Variants in FAF1 observed in about 807,000 individuals in gnomAD.
The protein encoded by FAF1 is Fas associated factor 1.
Under a neutral mutation model 92.5 loss-of-function variants are expected in FAF1, and 25 were observed. The observed-to-expected ratio is 0.27, with a 90% CI of 0.20 to 0.38. FAF1 has a LOEUF of 0.38. FAF1 is among the 10% of genes least tolerant of loss of function. FAF1 has a pLI of 1.00. For synonymous variants in FAF1, 234 were observed against 273.2 expected (o/e 0.86, Z 1.42); for missense variants, 636 against 793.3 (o/e 0.80, Z 2.38).
intron 6 of FAF1, among the ~76,000 whole-genome samples, chr1:50,714,706 T>C (rs1658100897): frequency 6.6e-6 from 1 of 152,178 alleles, no homozygotes; most frequent in African/African-American, 2.4e-5. Flanking sequence ...AAGAATGGCT[T>C]GGGTTAACAG....
intron 15 of FAF1, among the ~76,000 whole-genome samples, chr1:50,509,567 G>A (rs1647106927): frequency 1.3e-5 from 2 of 152,146 alleles, no homozygotes; most frequent in Non-Finnish European, 2.9e-5. Flanking sequence ...AGCTGTGACT[G>A]TACCACTGCA....
chr1:50,713,622 C>T (rs963495202), intron 6 of FAF1, among the ~76,000 whole-genome samples: 6 of 151,902 alleles, frequency 3.9e-5, no homozygotes, highest in Non-Finnish European at 7.4e-5. Context: ...AAGATATAAG[C>T]AAACGTAGAA....
intron 6 of FAF1, among the ~76,000 whole-genome samples, chr1:50,708,757 T>C (rs1415352257): frequency 6.6e-6 from 1 of 152,024 alleles, no homozygotes; most frequent in Non-Finnish European, 1.5e-5. Flanking sequence ...TGATAAATCA[T>C]CAGTGAGAGA....
At position 50,596,294 on chromosome 1, in the gene FAF1, T is replaced by A. The variant is rs1028084057; in HGVS notation, c.745-78A>T. ...AAAGGATTTGACTTTTCAGGTATTTTCTATTATTGCTGAAGCTAGATTAGA... is the reference window on the plus strand; with the variant it reads ...AAAGGATTTGACTTTTCAGGTATTTACTATTATTGCTGAAGCTAGATTAGA... On this transcript the variant is annotated intron_variant, in intron 8 of 18. Coordinates refer to ENST00000396153, the MANE Select transcript of FAF1 (RefSeq NM_007051.3). The A allele has an allele frequency of 7.0e-6, 7 of 1,001,696 alleles. No individual in the cohort carries two copies. In the African/African-American group the frequency reaches 8.0e-5, roughly 11 times the overall value. The allele number at this position is 1,001,696 out of a possible 1,614,324, so 62.1% of individuals were successfully genotyped here.
At chr1:50,948,934 A>G (rs1645192961) in intron 1 of FAF1, among the ~76,000 whole-genome samples, 1 of 152,166 alleles carries the variant, frequency 6.6e-6, no homozygotes, top group South Asian at 2.1e-4. Context: ...CCATGATCCA[A>G]TATCTACCTC....
chr1:50,599,314 G>A (rs551596727), intron 8 of FAF1, among the ~76,000 whole-genome samples: 80 of 152,136 alleles, frequency 5.3e-4, no homozygotes, highest in African/African-American at 1.8e-3. Context: ...GTTTTAACAC[G>A]TTGGCCAGGC....
intron 7 of FAF1, among the ~76,000 whole-genome samples, chr1:50,695,475 T>G (rs1255620912): frequency 1.3e-5 from 2 of 152,110 alleles, no homozygotes; most frequent in Non-Finnish European, 2.9e-5. Flanking sequence ...AGGGGAATTA[T>G]ATAAATGAAT....
chr1:50,722,646 C>CAAAA (rs58511862), intron 6 of FAF1, among the ~76,000 whole-genome samples: 8,289 of 65,372 alleles, frequency 0.13, 337 homozygotes, highest in East Asian at 0.16. Context: ...GCGACAGTCT[C>CAAAA]AAAAAAAAAA....
intron 1 of FAF1, among the ~76,000 whole-genome samples, chr1:50,951,483 G>C (rs1453349910): frequency 6.6e-6 from 1 of 152,094 alleles, no homozygotes; most frequent in African/African-American, 2.4e-5. Flanking sequence ...TTTTCATATG[G>C]GGAAACTGAG....
chr1:50,725,196 G>A (rs907919637), intron 6 of FAF1, among the ~76,000 whole-genome samples: 2 of 152,148 alleles, frequency 1.3e-5, no homozygotes, highest in African/African-American at 4.8e-5. Flanking sequence ...AAGGAAGGAT[G>A]AGTGGCATTA....
intron 8 of FAF1, among the ~76,000 whole-genome samples, chr1:50,645,073 A>G (rs1203749422): frequency 6.6e-6 from 1 of 152,200 alleles, no homozygotes; most frequent in Admixed American, 6.6e-5. Flanking sequence ...CCATCTGTTT[A>G]GTCTTTGCCT....
At chr1:50,705,712 T>TC (rs1657646307) in intron 7 of FAF1, 74 bp downstream of exon 7, 14 of 795,982 alleles carry the variant, frequency 1.8e-5, no homozygotes, top group Non-Finnish European at 3.0e-5. Flanking sequence ...CCAGAACAGA[T>TC]AAGCCCTCTT....
intron 2 of FAF1, among the ~76,000 whole-genome samples, chr1:50,837,747 C>CTTTTTTTT (rs112915276): frequency 7.1e-6 from 1 of 141,536 alleles, no homozygotes; most frequent in African/African-American, 2.6e-5. Context: ...GGGGAAGCTC[C>CTTTTTTTT]TTTTTTTTTT....
At position 50,663,479 on chromosome 1, in the gene FAF1, T is replaced by C. The variant is rs186844421; in HGVS notation, c.658-7951A>G. The stretch of plus-strand genomic sequence containing the variant: ...GTGCAATGGCACAATCTCAGCTCAC[T>C]GCAACCTCCGCCTCCCAGGTTCAAG... On this transcript the variant is annotated intron_variant, in intron 7 of 18. Transcript: ENST00000396153. Among the ~76,000 whole-genome samples, 273 of 150,314 alleles carry C rather than the reference T, an allele frequency of 1.8e-3. 7 individuals carry two copies. The highest frequency in any genetic ancestry group is 6.5e-3 in the African/African-American group (259 of 40,138).
At chr1:50,928,546 G>T (rs1475540088) in intron 1 of FAF1, among the ~76,000 whole-genome samples, 1 of 151,968 alleles carries the variant, frequency 6.6e-6, no homozygotes, top group Non-Finnish European at 1.5e-5. Context: ...CACTTTGGGA[G>T]ATCAAGGTGG....
chr1:50,593,320 T>C (rs1028855800), intron 9 of FAF1, among the ~76,000 whole-genome samples: 2 of 152,116 alleles, frequency 1.3e-5, no homozygotes, highest in African/African-American at 4.8e-5. Context: ...AAATAACACA[T>C]ATAATAGTGA....
intron 18 of FAF1, among the ~76,000 whole-genome samples, chr1:50,448,612 G>A (rs1426472453): frequency 3.9e-5 from 6 of 152,122 alleles, no homozygotes; most frequent in South Asian, 2.1e-4. Flanking sequence ...TACAAGGTAC[G>A]AGGGCCTGCA....
chr1:50,860,711 C>G (rs1342350089), intron 1 of FAF1, among the ~76,000 whole-genome samples: 3 of 151,624 alleles, frequency 2.0e-5, no homozygotes, highest in Non-Finnish European at 4.4e-5. Context: ...CAACTTAAAA[C>G]AGCATTTAAC....
chr1:50,630,028 A>G (rs1382255396), intron 8 of FAF1, among the ~76,000 whole-genome samples: 11 of 151,994 alleles, frequency 7.2e-5, no homozygotes, highest in African/African-American at 2.7e-4. Context: ...ACTGCACTCC[A>G]GCCTGGCGAC....
Sources: allele counts gnomAD v4.1 joint callset (sites outside exome capture counted in the v4.1 genomes callset), GRCh38; gene constraint gnomAD v4.1.1; transcripts MANE v1.5; gene names NCBI Gene and HGNC (gene_info 2026-07-23, HGNC 2026-07-21).